Variants in DNAAF4 observed in about 807,000 individuals in gnomAD.
DNAAF4 encodes the protein dynein assembly factor 4, axonemal.
A neutral mutation model predicts 51.8 loss-of-function variants in DNAAF4; 43 were observed. The observed-to-expected ratio is 0.83, with a 90% CI of 0.65 to 1.07. The LOEUF (loss-of-function observed/expected upper bound fraction) is 1.07. DNAAF4 is among the 50% of genes least tolerant of loss of function. The pLI, the probability that DNAAF4 is intolerant of heterozygous loss-of-function variation, is 0.00. For synonymous variants in DNAAF4, 194 were observed against 165.6 expected, an observed-to-expected ratio of 1.17 and a Z score of -1.32; for missense variants, 581 against 493.0, an observed-to-expected ratio of 1.18 and a Z score of -1.69.
At chr15:55,420,107 A>G (rs1595882549) in intron 7 of DNAAF4, among the ~76,000 whole-genome samples, 1 of 152,220 alleles carries the variant, frequency 6.6e-6, no homozygotes, top group East Asian at 1.9e-4. Flanking sequence ...GGCCTTTCAG[A>G]CAGACACAGA....
At chr15:55,438,964 TA>T (rs1433522657) in intron 7 of DNAAF4, among the ~76,000 whole-genome samples, 4 of 152,106 alleles carry the variant, frequency 2.6e-5, no homozygotes, top group Non-Finnish European at 4.4e-5. Context: ...GACATTTAAA[TA>T]AAAAAATAAA....
At chr15:55,443,972 A>T (rs1476316383) in intron 6 of DNAAF4, among the ~76,000 whole-genome samples, 2 of 151,548 alleles carry the variant, frequency 1.3e-5, no homozygotes, top group African/African-American at 4.8e-5. Flanking sequence ...GATTGCAAAA[A>T]TTTTCTCCCA....
At chr15:55,442,561 G>A (rs1429279526) in intron 6 of DNAAF4, 1 of 984,250 alleles carries the variant, frequency 1.0e-6, no homozygotes, top group South Asian at 1.3e-5. Context: ...AGCAGTGAGG[G>A]AGCAGAGTAT....
rs551855494 is a variant in DNAAF4, at chr15:55,437,059, C to T, written c.894-2001G>A. Among the ~76,000 whole-genome samples, 20 of 147,060 alleles carry T rather than the reference C, an allele frequency of 1.4e-4. No individual in the cohort carries two copies. In the South Asian group the frequency reaches 2.6e-3, roughly 19 times the overall value. ...GGTGAACTCCCAACCTCAGGTGATCCGCCCGCCTCAGCCTCCCAAAGTGCT... is the reference window on the plus strand; with the variant it reads ...GGTGAACTCCCAACCTCAGGTGATCTGCCCGCCTCAGCCTCCCAAAGTGCT... On this transcript the variant is annotated intron_variant, in intron 7 of 9. Transcript: ENST00000321149.
In DNAAF4 at chr15:55,439,147, C is replaced by A. The variant is rs944926682; in HGVS notation, c.893+325G>T. Among the ~76,000 whole-genome samples, 5 of 152,174 alleles carry A rather than the reference C, an allele frequency of 3.3e-5. No homozygotes were observed. In the East Asian group the frequency reaches 9.6e-4, roughly 29 times the overall value. ...CAGGGTCTCACTCTTGTTGCCCAGA[C>A]TGGAGTGCAGTGGCACAATCATAGC... On this transcript the variant is annotated intron_variant, in intron 7 of 9. Transcript: ENST00000321149.
downstream of DNAAF4, among the ~76,000 whole-genome samples, chr15:55,427,676 T>C (rs1039638479): frequency 2.7e-4 from 40 of 150,102 alleles, no homozygotes; most frequent in African/African-American, 9.8e-4. Flanking sequence ...GCTCTTCTTG[T>C]CCAGGCTGGA....
chr15:55,463,973 G>T (rs901684062), intron 5 of DNAAF4, among the ~76,000 whole-genome samples: 7 of 151,870 alleles, frequency 4.6e-5, no homozygotes, highest in African/African-American at 1.7e-4. Context: ...AATTCATATA[G>T]AACAAAAAAA....
intron 3 of DNAAF4, among the ~76,000 whole-genome samples, chr15:55,492,843 G>T (rs778218625): frequency 1.6e-4 from 25 of 152,108 alleles, no homozygotes; most frequent in Non-Finnish European, 3.4e-4. Context: ...CGGCCAAATT[G>T]TGATACACGA....
intron 5 of DNAAF4, among the ~76,000 whole-genome samples, chr15:55,455,026 A>G (rs2057996446): frequency 6.6e-6 from 1 of 151,398 alleles, no homozygotes; most frequent in East Asian, 1.9e-4. Context: ...ATGAAAATGA[A>G]TTTGAATAGA....
chr15:55,460,828 G>A (rs2058085018), intron 5 of DNAAF4, among the ~76,000 whole-genome samples: 1 of 147,894 alleles, frequency 6.8e-6, no homozygotes, highest in Admixed American at 6.7e-5. Flanking sequence ...GCAGTGGCGT[G>A]ATCTCGACTC....
intron 5 of DNAAF4, among the ~76,000 whole-genome samples, chr15:55,452,063 A>G (rs2057941050): frequency 6.6e-6 from 1 of 151,968 alleles, no homozygotes; most frequent in South Asian, 2.1e-4. Context: ...CTTGGCCAAC[A>G]TGGTGAAACC....
intron 5 of DNAAF4, among the ~76,000 whole-genome samples, chr15:55,453,545 GTTCT>G (rs1421520133): frequency 4.2e-4 from 56 of 134,454 alleles, no homozygotes; most frequent in Non-Finnish European, 7.0e-4. Context: ...AAAAAAAACA[GTTCT>G]TTTTTTTTTT....
Position 55,498,300 on chromosome 15 carries a change from C to T in DNAAF4, c.30G>A (p.Trp10Ter). 1 of 1,612,758 alleles carries T rather than the reference C, an allele frequency of 6.2e-7. No individual in the cohort carries two copies. The highest frequency in any genetic ancestry group is 8.5e-7 in the Non-Finnish European group (1 of 1,179,338). Residue 10 changes from tryptophan to a stop codon, truncating the protein, a stop_gained, in exon 2 of 10, where the codon TGG (tryptophan) becomes TGA (stop). Transcript: ENST00000321149. LOFTEE classifies it high-confidence loss of function. MPLQVSDYSWQQTKTAVFLS... is the reference protein window; with the variant it reads MPLQVSDYS ...GAAAGACCGCAGTCTTCGTCTGCTGCCAGCTGTAATCGCTAACCTGAAGAG... is the reference window on the plus strand; with the variant it reads ...GAAAGACCGCAGTCTTCGTCTGCTGTCAGCTGTAATCGCTAACCTGAAGAG...
chr15:55,477,543 T>C (rs969279986), intron 4 of DNAAF4, among the ~76,000 whole-genome samples: 1 of 151,836 alleles, frequency 6.6e-6, no homozygotes, highest in African/African-American at 2.4e-5. Context: ...ACTGAGTCAG[T>C]ATTAACCTGA....
intron 4 of DNAAF4, among the ~76,000 whole-genome samples, chr15:55,487,072 G>T (rs1033878634): frequency 6.6e-6 from 1 of 152,132 alleles, no homozygotes; most frequent in African/African-American, 2.4e-5. Flanking sequence ...TAACCTTTGA[G>T]AAATTTTTCA....
chr15:55,471,613 A>G (rs1218549682), intron 4 of DNAAF4, among the ~76,000 whole-genome samples: 2 of 150,788 alleles, frequency 1.3e-5, no homozygotes, highest in African/African-American at 4.9e-5. Context: ...TCCCGGGTTC[A>G]TGCCATTCTC....
chr15:55,445,035 T>C (rs1477266945), intron 6 of DNAAF4, among the ~76,000 whole-genome samples: 3 of 128,414 alleles, frequency 2.3e-5, no homozygotes, highest in South Asian at 2.6e-4. Flanking sequence ...GAATACCCTT[T>C]TTTTTTTTTT....
intron 3 of DNAAF4, among the ~76,000 whole-genome samples, chr15:55,495,718 A>G (rs1175452459): frequency 1.3e-5 from 2 of 152,136 alleles, no homozygotes; most frequent in African/African-American, 4.8e-5. Flanking sequence ...CGTTGGTGAT[A>G]GGGTGAGATT....
At chr15:55,476,273 T>C (rs1294804329) in intron 4 of DNAAF4, among the ~76,000 whole-genome samples, 1 of 151,954 alleles carries the variant, frequency 6.6e-6, no homozygotes, top group Non-Finnish European at 1.5e-5. Context: ...TTCAAGACCA[T>C]CCTGAGTAAC....
Sources: gnomAD v4.1 joint callset for allele counts (sites outside exome capture counted in the v4.1 genomes callset) on GRCh38, gnomAD v4.1.1 for gene constraint, MANE v1.5 for transcripts, NCBI Gene and HGNC (gene_info 2026-07-23, HGNC 2026-07-21) for gene names.